The following SETBP1 variants were observed in gnomAD, a reference collection of about 807,000 sequenced individuals.
SETBP1 encodes the protein SET-binding protein.
In SETBP1, 9 loss-of-function variants were observed where a neutral mutation model predicts 101.0. That is an observed-to-expected ratio of 0.09 (90% CI 0.05 to 0.16). The LOEUF is 0.16. Among genes scored for constraint, SETBP1 ranks in the 10% least tolerant of loss-of-function variants. SETBP1 has a pLI of 1.00. For missense variants in SETBP1, 1,858 were observed against 2,033.8 expected (o/e 0.91, Z 1.66); for synonymous variants, 818 against 788.5 (o/e 1.04, Z -0.63).
At chr18:45,036,652 A>G (rs2073404477) in intron 4 of SETBP1, among the ~76,000 whole-genome samples, 1 of 152,240 alleles carries the variant, frequency 6.6e-6, no homozygotes, top group Admixed American at 6.5e-5. Context: ...AGAAAAGCAT[A>G]AATGGCATTT....
At chr18:44,693,706 A>G (rs909047871) in intron 1 of SETBP1, among the ~76,000 whole-genome samples, 9 of 152,212 alleles carry the variant, frequency 5.9e-5, no homozygotes, top group Non-Finnish European at 1.3e-4. Flanking sequence ...TAGGCCAATG[A>G]GTCTAGGTTG....
chr18:44,742,967 C>T (rs1435995919), intron 2 of SETBP1, among the ~76,000 whole-genome samples: 1 of 133,102 alleles, frequency 7.5e-6, no homozygotes, highest in African/African-American at 2.7e-5. Flanking sequence ...CTCTCTCTCT[C>T]TCTCCCCCCC....
At chr18:44,819,585 C>T (rs2072059824) in intron 2 of SETBP1, among the ~76,000 whole-genome samples, 1 of 152,266 alleles carries the variant, frequency 6.6e-6, no homozygotes, top group South Asian at 2.1e-4. Flanking sequence ...CCTCAGAGGT[C>T]AGCAGCCTGC....
At chr18:45,062,241 G>A (rs2073901955) in intron 5 of SETBP1, among the ~76,000 whole-genome samples, 1 of 152,200 alleles carries the variant, frequency 6.6e-6, no homozygotes, top group African/African-American at 2.4e-5. Context: ...ATAAAATAGA[G>A]GTGCAGCTGG....
chr18:44,929,017 G>A (rs549262630), intron 3 of SETBP1, among the ~76,000 whole-genome samples: 25 of 152,066 alleles, frequency 1.6e-4, no homozygotes, highest in African/African-American at 4.6e-4. Context: ...TGCCTATGTC[G>A]TGAATAGTAT....
chr18:44,989,189 T>C (rs1438125592), intron 4 of SETBP1: 1 of 152,100 alleles, frequency 6.6e-6, no homozygotes, highest in African/African-American at 2.4e-5. Context: ...ATAAGTAAGC[T>C]CAATATGTTT....
chr18:44,787,609 C>T (rs1461862022), intron 2 of SETBP1, among the ~76,000 whole-genome samples: 1 of 150,176 alleles, frequency 6.7e-6, no homozygotes, highest in Non-Finnish European at 1.5e-5. Flanking sequence ...AATCCCAGCA[C>T]TTTGGGAGGC....
intron 2 of SETBP1, among the ~76,000 whole-genome samples, chr18:44,779,085 A>G (rs1226341460): frequency 2.0e-5 from 3 of 152,228 alleles, no homozygotes; most frequent in African/African-American, 7.2e-5. Context: ...GGGTTGTTAA[A>G]TGCAGTTTAA....
At chr18:45,036,620 G>A (rs2073403950) in intron 4 of SETBP1, among the ~76,000 whole-genome samples, 1 of 152,194 alleles carries the variant, frequency 6.6e-6, no homozygotes, top group South Asian at 2.1e-4. Flanking sequence ...CACCTTCAAA[G>A]TGCTATGAAA....
At chr18:45,006,521 C>A (rs1489143048) in intron 4 of SETBP1, among the ~76,000 whole-genome samples, 1 of 152,168 alleles carries the variant, frequency 6.6e-6, no homozygotes, top group Non-Finnish European at 1.5e-5. Context: ...AGAGGCTGTT[C>A]CATGCTTCTC....
intron 3 of SETBP1, among the ~76,000 whole-genome samples, chr18:44,892,321 G>A (rs991177665): frequency 6.6e-6 from 1 of 152,168 alleles, no homozygotes; most frequent in Non-Finnish European, 1.5e-5. Flanking sequence ...AGAACTTAGA[G>A]AATGGCCTTA....
chr18:45,018,305 G>T (rs2072991314), intron 4 of SETBP1, among the ~76,000 whole-genome samples: 1 of 152,100 alleles, frequency 6.6e-6, no homozygotes, highest in South Asian at 2.1e-4. Context: ...CATTCCTTAT[G>T]CAGACTGAGA....
At chr18:44,881,678 T>C (rs1331052184) in intron 3 of SETBP1, among the ~76,000 whole-genome samples, 10 of 152,174 alleles carry the variant, frequency 6.6e-5, no homozygotes, top group Non-Finnish European at 1.3e-4. Context: ...CCTAAAGGCT[T>C]AGAGCTCTGA....
intron 4 of SETBP1, chr18:44,988,114 A>C (rs983821514): frequency 2.6e-5 from 4 of 152,198 alleles, no homozygotes; most frequent in Non-Finnish European, 5.9e-5. Context: ...AAATATATAC[A>C]CATTCATACG....
intron 3 of SETBP1, among the ~76,000 whole-genome samples, chr18:44,880,190 C>T (rs1195227071): frequency 4.6e-5 from 7 of 152,198 alleles, no homozygotes; most frequent in Non-Finnish European, 1.5e-5. Flanking sequence ...CTAAATTCAG[C>T]TGCTTCCATA....
At position 44,899,289 on chromosome 18, in the gene SETBP1, G is replaced by A. The variant is rs148153252; in HGVS notation, c.540+30006G>A. On this transcript the variant is annotated intron_variant, in intron 3 of 5. Coordinates refer to ENST00000649279, the MANE Select transcript of SETBP1 (RefSeq NM_015559.3). The stretch of plus-strand genomic sequence containing the variant: ...AAGGAAGTAAATTTTTAAATAAATA[G>A]TCACATTTGTCGAGTAATTTCCAGA... Among the ~76,000 whole-genome samples, 181 of 152,250 alleles carry A rather than the reference G, an allele frequency of 1.2e-3. 1 individual carries two copies. The highest frequency in any genetic ancestry group is 4.2e-3 in the African/African-American group (175 of 41,546).
intron 4 of SETBP1, among the ~76,000 whole-genome samples, chr18:45,028,650 C>T (rs1158263310): frequency 6.6e-6 from 1 of 152,216 alleles, no homozygotes; most frequent in Non-Finnish European, 1.5e-5. Context: ...GTTCCTATTT[C>T]TCCACATCCT....
intron 3 of SETBP1, among the ~76,000 whole-genome samples, chr18:44,946,345 C>T (rs1243188551): frequency 1.3e-5 from 2 of 152,204 alleles, no homozygotes; most frequent in South Asian, 2.1e-4. Context: ...GTATTACTCT[C>T]AGCTGGTCTG....
intron 3 of SETBP1, among the ~76,000 whole-genome samples, chr18:44,924,670 G>T (rs1402399534): frequency 6.6e-6 from 1 of 151,980 alleles, no homozygotes; most frequent in Non-Finnish European, 1.5e-5. Context: ...GCAGAGGATG[G>T]GTTTATTCAG....
Sources: gnomAD v4.1 joint callset for allele counts (sites outside exome capture counted in the v4.1 genomes callset) on GRCh38, gnomAD v4.1.1 for gene constraint, MANE v1.5 for transcripts, NCBI Gene and HGNC (gene_info 2026-07-23, HGNC 2026-07-21) for gene names.